Variants in SNX27 observed in about 807,000 individuals in gnomAD.
The protein encoded by SNX27 is sorting nexin-27.
A neutral mutation model predicts 71.6 loss-of-function variants in SNX27; 22 were observed. The observed-to-expected ratio is 0.31, with a 90% CI of 0.22 to 0.44. The LOEUF (loss-of-function observed/expected upper bound fraction) is 0.44, where lower values mean the gene tolerates loss of function less well. SNX27 is among the 20% of genes least tolerant of loss of function. The pLI, the probability that SNX27 is intolerant of heterozygous loss-of-function variation, is 1.00. For missense variants in SNX27, 531 were observed against 698.6 expected (o/e 0.76, Z 2.70); for synonymous variants, 269 against 277.2 (o/e 0.97, Z 0.29).
chr1:151,675,844 T>TTTTTTTTTTC (rs1670672699), intron 7 of SNX27: 1 of 117,534 alleles, frequency 8.5e-6, no homozygotes, highest in Non-Finnish European at 1.7e-5. Flanking sequence ...TTTTTTTTTT[T>TTTTTTTTTTC]TATATAGGCT....
chr1:151,650,602 T>A lies in SNX27; in HGVS notation c.544-7633T>A, dbSNP rs192448844. On this transcript the variant is annotated intron_variant, in intron 2 of 11. Transcript: ENST00000458013. ...TTAGCTCTAATTTTTCTCTTTTTTT[T>A]TAAAATTTATTTATTTTTTATTGAT... 9.6e-3 allele frequency among the ~76,000 whole-genome samples: 1,455 copies of A among 152,284 alleles called. 30 individuals carry two copies. Among genetic ancestry groups the A allele is most frequent in the African/African-American group, 0.033 (1,361 of 41,570 alleles).
intron 2 of SNX27, among the ~76,000 whole-genome samples, chr1:151,656,810 C>A (rs1669715751): frequency 6.6e-6 from 1 of 152,084 alleles, no homozygotes; most frequent in African/African-American, 2.4e-5. Context: ...ACCACAAAGA[C>A]ATATAATGTT....
chr1:151,626,871 G>C (rs1390430433), intron 1 of SNX27, among the ~76,000 whole-genome samples: 2 of 152,160 alleles, frequency 1.3e-5, no homozygotes, highest in Non-Finnish European at 2.9e-5. Flanking sequence ...AGAGAGACAA[G>C]ATAGTTTTTG....
chr1:151,637,798 A>T (rs930217232), intron 1 of SNX27, among the ~76,000 whole-genome samples: 1 of 152,212 alleles, frequency 6.6e-6, no homozygotes, highest in Non-Finnish European at 1.5e-5. Context: ...GCTTGTTACT[A>T]AATTTAGTAT....
At chr1:151,630,374 A>G (rs898511060) in intron 1 of SNX27, among the ~76,000 whole-genome samples, 6 of 152,176 alleles carry the variant, frequency 3.9e-5, no homozygotes, top group South Asian at 4.1e-4. Flanking sequence ...ATTCTAGATG[A>G]TAAAAGTTGA....
In SNX27 at chr1:151,696,465, CTTTCT is replaced by C. The variant is rs1558082544; in HGVS notation, c.*2051_*2055del. ...GCAAATCATTGTGAGGCCACTTTTT[CTTTCT>C]TTCTTTCTTTCTTTCTTTCTTTCTT... On this transcript the variant is annotated 3_prime_UTR_variant, in exon 12 of 12. Coordinates refer to ENST00000458013, the MANE Select transcript of SNX27 (RefSeq NM_001330723.2). The C allele has an allele frequency of 2.1e-5, 1 of 48,558 alleles. No individual in the cohort carries two copies. The highest frequency in any genetic ancestry group is 5.7e-5 in the Non-Finnish European group (1 of 17,424). 3.0% of individuals were successfully genotyped at this position (48,558 alleles called of 1,614,324 possible). A position where few individuals can be genotyped will look rare whatever the true frequency, so the allele number is the denominator to read the frequency against.
intron 2 of SNX27, among the ~76,000 whole-genome samples, chr1:151,643,019 A>G (rs1668848809): frequency 6.6e-6 from 1 of 151,918 alleles, no homozygotes; most frequent in Non-Finnish European, 1.5e-5. Context: ...GTTGGAGTGC[A>G]ACGGCGTGAT....
At chr1:151,614,779 A>G (rs1463885034) in intron 1 of SNX27, among the ~76,000 whole-genome samples, 2 of 152,214 alleles carry the variant, frequency 1.3e-5, no homozygotes, top group African/African-American at 4.8e-5. Flanking sequence ...AGCATTTATA[A>G]TTATAAATTT....
chr1:151,697,251 C>G lies in SNX27; in HGVS notation c.*2834C>G, dbSNP rs751874792. ...AAAGAGACTTGGCACCAGCTTTGTT[C>G]AAACTGTAAAAATAGCAATTTGCCC... On this transcript the variant is annotated 3_prime_UTR_variant, in exon 12 of 12. Coordinates refer to ENST00000458013, the MANE Select transcript of SNX27 (RefSeq NM_001330723.2). 2.0e-5 allele frequency: 3 copies of G among 152,182 alleles called. No individual in the cohort carries two copies. The highest frequency in any genetic ancestry group is 4.4e-5 in the Non-Finnish European group (3 of 68,038). The allele number at this position is 152,182 out of a possible 1,614,324, so 9.4% of individuals were successfully genotyped here. A position where few individuals can be genotyped will look rare whatever the true frequency, so the allele number is the denominator to read the frequency against.
intron 7 of SNX27, among the ~76,000 whole-genome samples, chr1:151,669,623 C>T (rs992957320): frequency 6.6e-6 from 1 of 152,210 alleles, no homozygotes; most frequent in Non-Finnish European, 1.5e-5. Context: ...TGGGATTGCC[C>T]TTCACTACCA....
chr1:151,686,088 TC>T (rs1307961466), intron 8 of SNX27, among the ~76,000 whole-genome samples: 2 of 152,242 alleles, frequency 1.3e-5, no homozygotes, highest in African/African-American at 4.8e-5. Flanking sequence ...TCTGCAGTAA[TC>T]CTTTGCCTTT....
At position 151,698,123 on chromosome 1, in the gene SNX27, A is replaced by C. The variant is rs563950374; in HGVS notation, c.*3706A>C. ...GCCTGGACTGAGCTCTCAGGGGGGA[A>C]TTAGATAAATATTCCAACATCCTCA... On this transcript the variant is annotated 3_prime_UTR_variant, in exon 12 of 12. Transcript: ENST00000458013. 6.6e-6 allele frequency: 1 copy of C among 152,488 alleles called. No individual in the cohort carries two copies. Among genetic ancestry groups the C allele is most frequent in the East Asian group, 1.9e-4 (1 of 5,168 alleles). 9.4% of individuals were successfully genotyped at this position (152,488 alleles called of 1,614,324 possible).
At chr1:151,685,177 A>T (rs571564523) in intron 8 of SNX27, among the ~76,000 whole-genome samples, 3 of 152,304 alleles carry the variant, frequency 2.0e-5, no homozygotes, top group Middle Eastern at 3.4e-3. Flanking sequence ...TTAAAAAAAA[A>T]ATTGAAGTAC....
chr1:151,692,286 C>T (rs1180539872), intron 8 of SNX27, 149 bp from the exon 9 acceptor site: 7 of 1,031,602 alleles, frequency 6.8e-6, no homozygotes, highest in Non-Finnish European at 8.0e-6. Context: ...GGTGTGAGAC[C>T]AGAGGCCAGG....
At chr1:151,689,197 GTAT>G (rs1230563568) in intron 8 of SNX27, among the ~76,000 whole-genome samples, 1 of 152,140 alleles carries the variant, frequency 6.6e-6, no homozygotes, top group Non-Finnish European at 1.5e-5. Flanking sequence ...AACCCTGCAG[GTAT>G]TATTCTTACT....
chr1:151,646,904 A>C (rs75685844), intron 2 of SNX27, among the ~76,000 whole-genome samples: 233 of 90,094 alleles, frequency 2.6e-3, no homozygotes, highest in Middle Eastern at 5.9e-3. Flanking sequence ...CACACACACA[A>C]ACAAACACAC....
chr1:151,689,053 T>G (rs759914562), intron 8 of SNX27, among the ~76,000 whole-genome samples: 46 of 152,290 alleles, frequency 3.0e-4, no homozygotes, highest in Admixed American at 1.2e-3. Flanking sequence ...TGAAGGTCTT[T>G]TGCTTTCAAG....
intron 1 of SNX27, among the ~76,000 whole-genome samples, chr1:151,623,287 C>T (rs550527287): frequency 2.6e-5 from 4 of 152,248 alleles, no homozygotes; most frequent in African/African-American, 7.2e-5. Flanking sequence ...ACTACAGGTG[C>T]GGGCCACCAT....
chr1:151,654,067 G>A (rs772120447), intron 2 of SNX27, among the ~76,000 whole-genome samples: 2 of 152,050 alleles, frequency 1.3e-5, no homozygotes, highest in East Asian at 1.9e-4. Context: ...TTTTGACCTC[G>A]TGATCCACCC....
Sources: allele counts gnomAD v4.1 joint callset (sites outside exome capture counted in the v4.1 genomes callset), GRCh38; gene constraint gnomAD v4.1.1; transcripts MANE v1.5; gene names NCBI Gene and HGNC (gene_info 2026-07-23, HGNC 2026-07-21).